Variants in TNRC18 observed in about 807,000 individuals in gnomAD.
TNRC18 encodes trinucleotide repeat-containing gene 18 protein.
In TNRC18, 69 loss-of-function variants were observed where a neutral mutation model predicts 226.7. The observed-to-expected ratio is 0.30, with a 90% CI of 0.25 to 0.37. The LOEUF (loss-of-function observed/expected upper bound fraction) is 0.37, where lower values mean the gene tolerates loss of function less well. Ranked by LOEUF, TNRC18 falls within the 10% of genes least tolerant of loss-of-function variation. TNRC18 has a pLI of 1.00. For synonymous variants in TNRC18, 2,449 were observed against 1,927.6 expected (o/e 1.27, Z -7.09); for missense variants, 4,754 against 4,256.6 (o/e 1.12, Z -3.25).
intron 9 of TNRC18, among the ~76,000 whole-genome samples, chr7:5,375,772 G>A (rs1220227438): frequency 2.0e-5 from 3 of 152,074 alleles, no homozygotes; most frequent in Non-Finnish European, 4.4e-5. Flanking sequence ...TCTCTGCCTT[G>A]GTTTCCTCCT....
At chr7:5,346,038 G>A (rs1217095786) in intron 17 of TNRC18, among the ~76,000 whole-genome samples, 1 of 152,252 alleles carries the variant, frequency 6.6e-6, no homozygotes. Context: ...GCCCGGAGGT[G>A]GGCAGCGGCC....
chr7:5,312,884 A>AGAAGAGGAG lies in TNRC18; in HGVS notation c.7998_8006dup (p.Ser2669_Ser2671dup), dbSNP rs774794274. The stretch of plus-strand genomic sequence containing the variant: ...AAGAGTCCTCGTCTGTGGTGGAGGA[A>AGAAGAGGAG]GAAGAGGAGGAAGAGGAGGAGGAGG... On this transcript the variant is annotated inframe_insertion, in exon 27 of 30. Transcript: ENST00000430969. This position sits in a 1 kb window ranked among gnomAD's most constrained non-coding sequence, Gnocchi z 6.3. 1.2e-5 allele frequency: 18 copies of AGAAGAGGAG among 1,523,898 alleles called. No individual in the cohort carries two copies. The highest frequency in any genetic ancestry group is 5.2e-5 in the South Asian group (4 of 76,208). The allele number at this position is 1,523,898 out of a possible 1,614,324, so 94.4% of individuals were successfully genotyped here. A position where few individuals can be genotyped will look rare whatever the true frequency, so the allele number is the denominator to read the frequency against.
intron 11 of TNRC18, among the ~76,000 whole-genome samples, chr7:5,364,517 T>C (rs1424009720): frequency 1.5e-5 from 2 of 131,984 alleles, no homozygotes; most frequent in African/African-American, 5.7e-5. Flanking sequence ...ACACACACGA[T>C]CTCAGGCTGG....
chr7:5,356,311 G>A (rs1168762757), intron 16 of TNRC18, among the ~76,000 whole-genome samples: 3 of 151,994 alleles, frequency 2.0e-5, no homozygotes, highest in East Asian at 1.9e-4. Context: ...TCTGGCTCTC[G>A]GGCCACATCA....
At chr7:5,358,480 G>C (rs957570677) in intron 15 of TNRC18, among the ~76,000 whole-genome samples, 1 of 152,104 alleles carries the variant, frequency 6.6e-6, no homozygotes, top group African/African-American at 2.4e-5. Context: ...CTTAGACCCC[G>C]TCTCCCTCCA....
At chr7:5,389,455 G>GT (rs1355761672) in intron 4 of TNRC18, 119 bp from the exon 5 acceptor site, 22 of 605,028 alleles carry the variant, frequency 3.6e-5, no homozygotes, top group Admixed American at 8.3e-5. Flanking sequence ...CAGTGTTTTG[G>GT]TTTTGGTTTT....
At chr7:5,379,789 C>G (rs1301083191) in intron 5 of TNRC18, among the ~76,000 whole-genome samples, 2 of 152,224 alleles carry the variant, frequency 1.3e-5, no homozygotes, top group Admixed American at 6.5e-5. Flanking sequence ...CGTCGGCTCC[C>G]AGGTGCCATT....
intron 24 of TNRC18, among the ~76,000 whole-genome samples, chr7:5,316,317 A>T (rs1787844378): frequency 8.1e-6 from 1 of 123,338 alleles, no homozygotes; most frequent in African/African-American, 3.2e-5. Flanking sequence ...TTCGCTGTCG[A>T]TGCCCAGGCT....
At position 5,332,832 on chromosome 7, in the gene TNRC18, C is replaced by T; in HGVS notation, c.5937G>A (p.Glu1979=). The T allele has an allele frequency of 6.6e-7, 1 of 1,506,848 alleles. No individual in the cohort carries two copies. Among genetic ancestry groups the T allele is most frequent in the South Asian group, 1.2e-5 (1 of 80,630 alleles). 93.3% of individuals were successfully genotyped at this position (1,506,848 alleles called of 1,614,324 possible). A position where few individuals can be genotyped will look rare whatever the true frequency, so the allele number is the denominator to read the frequency against. The part of the protein sequence containing the change: ...RKARKLRGPK[E]PGFEAGPEAS... ...CCTCGGGCCCCGCCTCGAAGCCAGG[C>T]TCCTTGGGGCCCCGCAGCTTCCGGG... is the stretch of plus-strand genomic sequence containing the variant. Residue 1979 remains glutamate (E), a synonymous_variant, in exon 19 of 30, where the codon GAG becomes GAA. Transcript: ENST00000430969.
intron 24 of TNRC18, among the ~76,000 whole-genome samples, chr7:5,316,734 C>A (rs1380875015): frequency 6.6e-6 from 1 of 152,214 alleles, no homozygotes; most frequent in African/African-American, 2.4e-5. Flanking sequence ...GGGAGGGCGG[C>A]AGTGGGAGAC....
At chr7:5,338,884 C>G (rs1342790749) in intron 18 of TNRC18, among the ~76,000 whole-genome samples, 1 of 145,700 alleles carries the variant, frequency 6.9e-6, no homozygotes, top group Non-Finnish European at 1.5e-5. Flanking sequence ...CATGCCGTTG[C>G]ACTCCAGCCT....
chr7:5,380,298 T>A (rs1779310254), intron 5 of TNRC18, among the ~76,000 whole-genome samples: 1 of 152,092 alleles, frequency 6.6e-6, no homozygotes, highest in Non-Finnish European at 1.5e-5. Flanking sequence ...CATAAAAAAT[T>A]AGCCAGGCAT....
intron 2 of TNRC18, among the ~76,000 whole-genome samples, chr7:5,403,711 T>G (rs946594536): frequency 6.6e-6 from 1 of 151,880 alleles, no homozygotes; most frequent in African/African-American, 2.4e-5. Context: ...GAGGATCATT[T>G]GAGCCCAGGA....
intron 3 of TNRC18, among the ~76,000 whole-genome samples, chr7:5,390,962 A>G (rs1780253014): frequency 6.6e-6 from 1 of 152,166 alleles, no homozygotes. Context: ...AAAACAACCT[A>G]TAAGGAAGAG....
chr7:5,377,668 C>A lies in TNRC18; in HGVS notation c.2256-92G>T. ...GTTGCCCCAAGGAACTGTTTGCCACCAGGCCATGAGTCAGGACAACCACTG... is the reference window on the plus strand; with the variant it reads ...GTTGCCCCAAGGAACTGTTTGCCACAAGGCCATGAGTCAGGACAACCACTG... On this transcript the variant is annotated intron_variant, in intron 6 of 29. Coordinates refer to ENST00000430969, the MANE Select transcript of TNRC18 (RefSeq NM_001080495.3). This position sits in a 1 kb window ranked among gnomAD's most constrained non-coding sequence, Gnocchi z 5.8. The A allele has an allele frequency of 7.4e-7, 1 of 1,359,128 alleles. No homozygotes were observed. Among genetic ancestry groups the A allele is most frequent in the Non-Finnish European group, 1.0e-6 (1 of 990,886 alleles). 84.2% of individuals were successfully genotyped at this position (1,359,128 alleles called of 1,614,324 possible).
intron 14 of TNRC18, among the ~76,000 whole-genome samples, chr7:5,361,134 G>A (rs1792997219): frequency 6.6e-6 from 1 of 152,198 alleles, no homozygotes; most frequent in Admixed American, 6.5e-5. Flanking sequence ...GCCCGAGGAG[G>A]AGAAGCTTGT....
intron 17 of TNRC18, among the ~76,000 whole-genome samples, chr7:5,351,418 C>A (rs1008336328): frequency 3.3e-5 from 5 of 151,726 alleles, no homozygotes; most frequent in African/African-American, 1.2e-4. Context: ...CTCCACCGAA[C>A]CCGTGCCCAA....
In TNRC18 at chr7:5,388,952, A is replaced by T. The variant is rs749613289; in HGVS notation, c.872T>A (p.Val291Glu). 8 of 1,387,020 alleles carry T rather than the reference A, an allele frequency of 5.8e-6. No homozygotes were observed. In the East Asian group the frequency reaches 3.0e-4, roughly 51 times the overall value. 85.9% of individuals were successfully genotyped at this position (1,387,020 alleles called of 1,614,324 possible). ...LTMCNGGAGD[V>E]GLPALVAEAG... ...TTCGGCCACCAGCGCGGGCAGCCCC[A>T]CGTCCCCGGCGCCGCCGTTGCACAT... Residue 291 changes from valine to glutamate, a missense_variant, in exon 5 of 30, where the codon GTG (valine) becomes GAG (glutamate). Val to Glu is a moderately radical substitution (Grantham distance 121, BLOSUM62 -2). Transcript: ENST00000430969.
Position 5,374,372 on chromosome 7 carries a change from A to G in TNRC18, c.2912T>C (p.Leu971Pro), listed in dbSNP as rs1794439104. The G allele has an allele frequency of 6.8e-7, 1 of 1,476,612 alleles. No individual in the cohort carries two copies. Among genetic ancestry groups the G allele is most frequent in the South Asian group, 1.3e-5 (1 of 74,454 alleles). The allele number at this position is 1,476,612 out of a possible 1,614,324, so 91.5% of individuals were successfully genotyped here. A position where few individuals can be genotyped will look rare whatever the true frequency, so the allele number is the denominator to read the frequency against. ...GGCCAGGCCAGGGGGCTTCCGCGGC[A>G]GCAGCCCGGGGCCGGCGGTGGCCAG... is the stretch of plus-strand genomic sequence containing the variant. ...AGLATAGPGLLPRKPPGLAAG... is the reference protein window; with the variant it reads ...AGLATAGPGLPPRKPPGLAAG... The change falls in exon 10 of 30, where the codon CTG becomes CCG. Residue 971 changes from leucine (L) to proline (P), a missense_variant. Physicochemically the swap from Leu to Pro is moderately conservative, Grantham distance 98. Transcript: ENST00000430969.
Sources: gnomAD v4.1 joint callset for allele counts (sites outside exome capture counted in the v4.1 genomes callset) on GRCh38, gnomAD v4.1.1 for gene constraint, Gnocchi (gnomAD v3.1) non-coding constraint, MANE v1.5 for transcripts, NCBI Gene and HGNC (gene_info 2026-07-23, HGNC 2026-07-21) for gene names.